Variants in FERRY3 observed in about 807,000 individuals in gnomAD.
The protein encoded by FERRY3 is protein C12orf4.
chr12:4,489,790 T>G, the FERRY3 span: 4 of 1,539,354 alleles, frequency 2.6e-6, no homozygotes, highest in Non-Finnish European at 3.6e-6. Flanking sequence ...TCTGCCAGCA[T>G]GTCAATCTAT....
chr12:4,511,027 A>G, the FERRY3 span, among the ~76,000 whole-genome samples: 95 of 150,276 alleles, frequency 6.3e-4, no homozygotes, highest in Admixed American at 4.3e-3. Context: ...TAGGCTCAAA[A>G]TAAAAGGATG....
chr12:4,524,245 A>T, the FERRY3 span, among the ~76,000 whole-genome samples: 2 of 152,086 alleles, frequency 1.3e-5, no homozygotes, highest in Admixed American at 6.6e-5. Context: ...ATGCACCCTG[A>T]TTTTTTTCCT....
the FERRY3 span, among the ~76,000 whole-genome samples, chr12:4,501,825 C>T: frequency 6.6e-6 from 1 of 152,142 alleles, no homozygotes; most frequent in Non-Finnish European, 1.5e-5. Flanking sequence ...TCCCCAACCC[C>T]CGGTCTGTGG....
the FERRY3 span, among the ~76,000 whole-genome samples, chr12:4,507,107 C>T: frequency 6.6e-6 from 1 of 152,136 alleles, no homozygotes; most frequent in Non-Finnish European, 1.5e-5. Context: ...CTTTCTATCT[C>T]TCATAAATAT....
the FERRY3 span, chr12:4,517,246 T>C: frequency 2.8e-6 from 4 of 1,413,908 alleles, no homozygotes; most frequent in East Asian, 2.6e-5. Context: ...ATATTTAGTA[T>C]TTACTTACAA....
chr12:4,520,437 G>A, the FERRY3 span, among the ~76,000 whole-genome samples: 12 of 152,322 alleles, frequency 7.9e-5, no homozygotes, highest in African/African-American at 2.9e-4. Context: ...CTGCTGGGAG[G>A]CAGAGCAAAA....
At chr12:4,501,807 C>T in the FERRY3 span, among the ~76,000 whole-genome samples, 2 of 152,028 alleles carry the variant, frequency 1.3e-5, no homozygotes, top group Non-Finnish European at 2.9e-5. Context: ...TTCAATCATC[C>T]TCAAACCTCC....
the FERRY3 span, among the ~76,000 whole-genome samples, chr12:4,521,367 C>T: frequency 3.3e-5 from 5 of 151,700 alleles, no homozygotes; most frequent in Non-Finnish European, 5.9e-5. Flanking sequence ...GACTCTGTCT[C>T]GGGGCCGGGG....
chr12:4,518,166 C>T, the FERRY3 span: 8 of 1,614,094 alleles, frequency 5.0e-6, no homozygotes, highest in East Asian at 2.2e-5. Context: ...TGAAGTTTCA[C>T]ACCACTTCGA....
the FERRY3 span, among the ~76,000 whole-genome samples, chr12:4,520,379 C>T: frequency 3.3e-5 from 5 of 152,160 alleles, no homozygotes; most frequent in South Asian, 4.1e-4. Flanking sequence ...AGTGACCTTC[C>T]GGACCCCCAA....
chr12:4,523,923 C>T, the FERRY3 span, among the ~76,000 whole-genome samples: 91 of 151,614 alleles, frequency 6.0e-4, no homozygotes, highest in Non-Finnish European at 1.1e-3. Context: ...CAAACCTGCA[C>T]GTTGTGCACA....
the FERRY3 span, among the ~76,000 whole-genome samples, chr12:4,507,089 A>G: frequency 6.6e-6 from 1 of 152,294 alleles, no homozygotes; most frequent in East Asian, 1.9e-4. Flanking sequence ...CCTGTCATTG[A>G]CTGCACACTT....
the FERRY3 span, among the ~76,000 whole-genome samples, chr12:4,527,103 T>C: frequency 6.6e-6 from 1 of 152,110 alleles, no homozygotes; most frequent in African/African-American, 2.4e-5. Context: ...TAACCATTTA[T>C]AAATACAAAC....
chr12:4,508,808 T>C, the FERRY3 span: 1 of 152,198 alleles, frequency 6.6e-6, no homozygotes, highest in South Asian at 2.1e-4. Context: ...AGGATGTTTG[T>C]GATTTTACAT....
the FERRY3 span, among the ~76,000 whole-genome samples, chr12:4,516,029 GTCATTCAAGGATACAGTGATT>G: frequency 6.6e-6 from 1 of 151,950 alleles, no homozygotes; most frequent in Non-Finnish European, 1.5e-5. Context: ...AGAAAAAGCA[GTCATTCAAGGATACAGTGATT>G]TTTTTTTAAA....
chr12:4,511,692 G>A, the FERRY3 span, among the ~76,000 whole-genome samples: 13 of 150,132 alleles, frequency 8.7e-5, no homozygotes, highest in South Asian at 8.4e-4. Flanking sequence ...TGAAACCAAC[G>A]AGAACAAAGA....
the FERRY3 span, chr12:4,530,160 C>T: frequency 2.9e-5 from 26 of 900,284 alleles, no homozygotes; most frequent in African/African-American, 4.3e-4. Context: ...ACAGAAAGAC[C>T]CTCTTATATA....
the FERRY3 span, chr12:4,529,993 C>T: frequency 3.7e-6 from 6 of 1,613,304 alleles, no homozygotes; most frequent in Non-Finnish European, 5.1e-6. Context: ...TCATGGTACA[C>T]ATCTGCAAAA....
At chr12:4,525,390 A>G in the FERRY3 span, 17 of 1,607,542 alleles carry the variant, frequency 1.1e-5, 1 homozygote, top group Non-Finnish European at 1.4e-5. Flanking sequence ...AAGAAACAGT[A>G]TACCAACTGG....
Sources: gnomAD v4.1 joint callset for allele counts (sites outside exome capture counted in the v4.1 genomes callset) on GRCh38, gnomAD v4.1.1 for gene constraint, MANE v1.5 for transcripts, NCBI Gene and HGNC (gene_info 2026-07-23, HGNC 2026-07-21) for gene names.